LRBA: variants seen among roughly 807,000 people sequenced by gnomAD.
The protein encoded by LRBA is lipopolysaccharide-responsive and beige-like anchor protein.
In LRBA, 176 loss-of-function variants were observed where a neutral mutation model predicts 330.0. The ratio of observed to expected loss-of-function variants is 0.53; its 90% CI spans 0.47 to 0.60. LRBA has a LOEUF of 0.60. LRBA is among the 20% of genes least tolerant of loss of function. LRBA has a pLI of 0.00. For missense variants in LRBA, 3,259 were observed against 3,444.8 expected, an observed-to-expected ratio of 0.95 and a Z score of 1.35; for synonymous variants, 1,230 against 1,193.0, an observed-to-expected ratio of 1.03 and a Z score of -0.64.
intron 47 of LRBA, among the ~76,000 whole-genome samples, chr4:150,394,518 C>T (rs1052557293): frequency 6.6e-6 from 1 of 151,956 alleles, no homozygotes; most frequent in Non-Finnish European, 1.5e-5. Context: ...GAGGATAAAG[C>T]TAATAGGTAG....
chr4:150,643,739 C>A (rs556985115), intron 37 of LRBA, among the ~76,000 whole-genome samples: 26 of 151,976 alleles, frequency 1.7e-4, no homozygotes, highest in African/African-American at 6.0e-4. Context: ...TAAGAATCAG[C>A]AAACTGTTGC....
At chr4:150,639,374 A>C (rs865974837) in intron 37 of LRBA, among the ~76,000 whole-genome samples, 1 of 131,614 alleles carries the variant, frequency 7.6e-6, no homozygotes, top group Non-Finnish European at 1.6e-5. Context: ...AAAAAAAAAG[A>C]AAAAAAAAAA....
At chr4:150,692,762 C>T (rs1216761970) in intron 36 of LRBA, among the ~76,000 whole-genome samples, 3 of 152,064 alleles carry the variant, frequency 2.0e-5, no homozygotes, top group African/African-American at 4.8e-5. Context: ...AATAAAAGTA[C>T]ATCAGAATGC....
At chr4:150,349,833 T>A (rs754216180) in intron 48 of LRBA, among the ~76,000 whole-genome samples, 159 bp downstream of exon 48, 1 of 152,236 alleles carries the variant, frequency 6.6e-6, no homozygotes, top group Non-Finnish European at 1.5e-5. Context: ...TGGGTTCAAG[T>A]TCTTGCTAGG....
chr4:150,668,316 C>A (rs1337719501), intron 37 of LRBA, among the ~76,000 whole-genome samples: 1 of 152,140 alleles, frequency 6.6e-6, no homozygotes, highest in Non-Finnish European at 1.5e-5. Flanking sequence ...TAAGACAATA[C>A]AAATTCATTA....
intron 38 of LRBA, chr4:150,597,120 A>C (rs748016027): frequency 7.3e-7 from 1 of 1,376,744 alleles, no homozygotes; most frequent in Admixed American, 1.9e-5. Context: ...TGCACACTAA[A>C]ACATAGATAA....
chr4:151,008,079 CTTTTT>C (rs1038898858), intron 2 of LRBA, among the ~76,000 whole-genome samples: 15 of 143,420 alleles, frequency 1.0e-4, no homozygotes, highest in Admixed American at 9.1e-4. Context: ...AAGTTTTTTT[CTTTTT>C]TTTTTTTCTT....
chr4:150,688,245 A>T (rs879500509), intron 36 of LRBA, among the ~76,000 whole-genome samples: 8 of 152,356 alleles, frequency 5.3e-5, no homozygotes, highest in Middle Eastern at 3.4e-3. Context: ...AAAACTGGCT[A>T]GCCATATGCA....
intron 44 of LRBA, 23 bp from the exon 45 acceptor site, chr4:150,436,887 C>CA (rs1751182109): frequency 6.2e-7 from 1 of 1,608,140 alleles, no homozygotes; most frequent in Admixed American, 1.7e-5. Flanking sequence ...AGGGAAAAAA[C>CA]AAAGAATACA....
In LRBA at chr4:150,583,759, G is replaced by A; in HGVS notation, c.6330+4289C>T. Reference sequence around the variant, plus strand: ...GGAGGCGGAGAACCGCCTGCTGATGGGCGGCTGCCGAAACAAGTGCCTCTC... The same window carrying A: ...GGAGGCGGAGAACCGCCTGCTGATGAGCGGCTGCCGAAACAAGTGCCTCTC... On this transcript the variant is annotated intron_variant, in intron 40 of 56. Coordinates refer to ENST00000651943, the MANE Select transcript of LRBA (RefSeq NM_001364905.1). The surrounding 1 kb of genome is among the most constrained non-coding windows in gnomAD (Gnocchi z 9.8). 1.9e-6 allele frequency: 3 copies of A among 1,613,956 alleles called. No homozygotes were observed. Among genetic ancestry groups the A allele is most frequent in the Non-Finnish European group, 2.5e-6 (3 of 1,179,968 alleles).
intron 37 of LRBA, among the ~76,000 whole-genome samples, chr4:150,643,830 T>A (rs1262556953): frequency 6.6e-6 from 1 of 151,996 alleles, no homozygotes; most frequent in African/African-American, 2.4e-5. Context: ...GAAAATTATA[T>A]AAAATTCATA....
chr4:150,860,032 C>T (rs1751698048), intron 22 of LRBA, among the ~76,000 whole-genome samples: 1 of 152,260 alleles, frequency 6.6e-6, no homozygotes, highest in African/African-American at 2.4e-5. Context: ...CTATTCTAAG[C>T]TTTATTAAAT....
intron 40 of LRBA, among the ~76,000 whole-genome samples, chr4:150,550,407 A>C (rs1766438586): frequency 6.6e-6 from 1 of 152,174 alleles, no homozygotes; most frequent in Non-Finnish European, 1.5e-5. Context: ...ATTACAAAAT[A>C]CAGCAAGTAT....
intron 47 of LRBA, among the ~76,000 whole-genome samples, chr4:150,386,150 C>T (rs543943123): frequency 6.6e-6 from 1 of 152,096 alleles, no homozygotes; most frequent in Admixed American, 6.5e-5. Flanking sequence ...GTAAGATATT[C>T]TCAGTATTTG....
intron 37 of LRBA, among the ~76,000 whole-genome samples, chr4:150,636,802 T>C (rs1273256759): frequency 6.6e-6 from 1 of 152,184 alleles, no homozygotes; most frequent in Non-Finnish European, 1.5e-5. Flanking sequence ...CATGCACTAC[T>C]ACACCTGGCT....
rs117971014 is a variant in LRBA, at chr4:150,283,148, C to T, written c.8120-502G>A. On this transcript the variant is annotated intron_variant, in intron 54 of 56. Transcript: ENST00000651943. ...CCTTAGCCCTCTTCCCCCGCAACTG[C>T]TCACTACTTTTTTTACACTGAAAGG... is the stretch of plus-strand genomic sequence containing the variant. Among the ~76,000 whole-genome samples, 148 of 152,300 alleles carry T rather than the reference C, an allele frequency of 9.7e-4. No homozygotes were observed. The East Asian group carries it at 0.014, about 15-fold the overall frequency.
chr4:150,800,143 G>A (rs992129495), intron 33 of LRBA, among the ~76,000 whole-genome samples: 1 of 152,338 alleles, frequency 6.6e-6, no homozygotes, highest in African/African-American at 2.4e-5. Flanking sequence ...CAAACCAGAA[G>A]AAGGTTCATA....
At chr4:150,624,427 C>T (rs1776646943) in intron 37 of LRBA, among the ~76,000 whole-genome samples, 1 of 151,974 alleles carries the variant, frequency 6.6e-6, no homozygotes, top group Non-Finnish European at 1.5e-5. Context: ...TCCCTTTTCA[C>T]TCATACAAGG....
In LRBA at chr4:150,309,319, G is replaced by C. The variant is rs557301675; in HGVS notation, c.7849+910C>G. Among the ~76,000 whole-genome samples, 6 of 152,036 alleles carry C rather than the reference G, an allele frequency of 3.9e-5. No individual in the cohort carries two copies. In the South Asian group the frequency reaches 1.2e-3, roughly 32 times the overall value. ...ACCCCATATAGCCTAGGTGTATACT[G>C]GAATATCCCATCTAGTTTGTGTAAG... On this transcript the variant is annotated intron_variant, in intron 52 of 56. Transcript: ENST00000651943.
Sources: gnomAD v4.1 joint callset for allele counts (sites outside exome capture counted in the v4.1 genomes callset) on GRCh38, gnomAD v4.1.1 for gene constraint, Gnocchi (gnomAD v3.1) non-coding constraint, MANE v1.5 for transcripts, NCBI Gene and HGNC (gene_info 2026-07-23, HGNC 2026-07-21) for gene names.